The following TET3 variants were observed in gnomAD, a reference collection of about 807,000 sequenced individuals.
TET3 encodes tet methylcytosine dioxygenase 3, also known as methylcytosine dioxygenase TET3.
TET3 carries 19 observed loss-of-function variants against 141.4 expected under a neutral mutation model. The observed-to-expected ratio is 0.13, with a 90% CI of 0.09 to 0.20. TET3 has a LOEUF of 0.20. Ranked by LOEUF, TET3 falls within the 10% of genes least tolerant of loss-of-function variation. The pLI, the probability that TET3 is intolerant of heterozygous loss-of-function variation, is 1.00. For synonymous variants in TET3, 1,043 were observed against 980.9 expected, an observed-to-expected ratio of 1.06 and a Z score of -1.18; for missense variants, 1,874 against 2,356.9, an observed-to-expected ratio of 0.80 and a Z score of 4.24.
chr2:73,999,191 G>GAT (rs1258102348), intron 2 of TET3, among the ~76,000 whole-genome samples: 1 of 152,146 alleles, frequency 6.6e-6, no homozygotes, highest in East Asian at 1.9e-4. Context: ...GAGGTAGGTG[G>GAT]ATATGAAAAT....
At chr2:74,008,931 A>C (rs888102565) in intron 3 of TET3, among the ~76,000 whole-genome samples, 1 of 152,132 alleles carries the variant, frequency 6.6e-6, no homozygotes, top group African/African-American at 2.4e-5. Context: ...GCCTCCAGGC[A>C]TTTTTCCCCC....
Position 74,104,327 on chromosome 2 carries a change from T to C in TET3, c.*2151T>C, listed in dbSNP as rs1432517085. 6.6e-6 allele frequency: 1 copy of C among 152,200 alleles called. No homozygotes were observed. Among genetic ancestry groups the C allele is most frequent in the Non-Finnish European group, 1.5e-5 (1 of 68,026 alleles). 9.4% of individuals were successfully genotyped at this position (152,200 alleles called of 1,614,324 possible). A position where few individuals can be genotyped will look rare whatever the true frequency, so the allele number is the denominator to read the frequency against. On this transcript the variant is annotated 3_prime_UTR_variant, in exon 12 of 12. Transcript: ENST00000409262. Reference sequence around the variant, plus strand: ...AAGAGCTTATCAGGACTTAGAATTATTCAGAACTCAGATTTATAGGAAAAC... The same window carrying C: ...AAGAGCTTATCAGGACTTAGAATTACTCAGAACTCAGATTTATAGGAAAAC...
intron 2 of TET3, chr2:74,002,614 G>T (rs1006768778): frequency 2.9e-6 from 1 of 348,374 alleles, no homozygotes; most frequent in South Asian, 1.5e-4. Flanking sequence ...CCACCAGGCG[G>T]GGGCAGGGCC....
intron 3 of TET3, among the ~76,000 whole-genome samples, chr2:74,014,622 A>G (rs1299056499): frequency 6.6e-6 from 1 of 152,084 alleles, no homozygotes; most frequent in Non-Finnish European, 1.5e-5. Flanking sequence ...ATTAGAGCAT[A>G]TCCTAGGCCG....
At chr2:74,042,275 C>G (rs1687380066) in intron 3 of TET3, among the ~76,000 whole-genome samples, 1 of 152,214 alleles carries the variant, frequency 6.6e-6, no homozygotes, top group Non-Finnish European at 1.5e-5. Context: ...GCAGGTAACA[C>G]AAGTGAGTGA....
chr2:74,106,153 T>C lies in TET3; in HGVS notation c.*3977T>C, dbSNP rs1157181455. The C allele has an allele frequency of 6.6e-6, 1 of 151,828 alleles. No homozygotes were observed. The highest frequency in any genetic ancestry group is 1.9e-4 in the East Asian group (1 of 5,158). 9.4% of individuals were successfully genotyped at this position (151,828 alleles called of 1,614,324 possible). A position where few individuals can be genotyped will look rare whatever the true frequency, so the allele number is the denominator to read the frequency against. ...TAGACCCGTTTACCGTGCTATAATC[T>C]GCTCTGAGCAGTGTTGTGTTGTGTT... On this transcript the variant is annotated 3_prime_UTR_variant, in exon 12 of 12. Transcript: ENST00000409262.
chr2:74,062,018 T>G (rs1400946494), intron 4 of TET3, among the ~76,000 whole-genome samples: 1 of 148,960 alleles, frequency 6.7e-6, no homozygotes, highest in African/African-American at 2.5e-5. Flanking sequence ...CCAGACGGGG[T>G]GGCGGCCGGG....
intron 6 of TET3, among the ~76,000 whole-genome samples, chr2:74,081,301 AG>A (rs755173441): frequency 7.9e-4 from 120 of 152,356 alleles, no homozygotes; most frequent in Admixed American, 1.6e-3. Context: ...AGTGCTGAGG[AG>A]GAGCAGCCAG....
At chr2:73,986,749 GCACGGTGAT>G in intron 2 of TET3, 43 bp downstream of exon 2, 1 of 1,229,804 alleles carries the variant, frequency 8.1e-7, no homozygotes, top group African/African-American at 1.6e-5. Context: ...TTCCTCGAGG[GCACGGTGAT>G]CACGGGGGTC....
chr2:74,022,313 T>C (rs927444696), intron 3 of TET3, among the ~76,000 whole-genome samples: 4 of 152,016 alleles, frequency 2.6e-5, no homozygotes, highest in Admixed American at 2.6e-4. Context: ...TGTGTATGCT[T>C]TTTTTATGAA....
chr2:74,117,713 T>C, the TET3 span, among the ~76,000 whole-genome samples: 1 of 152,112 alleles, frequency 6.6e-6, no homozygotes, highest in African/African-American at 2.4e-5. Flanking sequence ...ATTAGTCTAT[T>C]TTATCATGTT....
the TET3 span, among the ~76,000 whole-genome samples, chr2:74,127,056 A>G: frequency 3.3e-5 from 5 of 152,190 alleles, no homozygotes; most frequent in African/African-American, 4.8e-5. Context: ...AGCAGCTGTA[A>G]CTGGGTCAGA....
At chr2:74,117,769 G>A in the TET3 span, among the ~76,000 whole-genome samples, 15 of 151,218 alleles carry the variant, frequency 9.9e-5, no homozygotes, top group African/African-American at 2.4e-4. Flanking sequence ...TTTTTATAAC[G>A]GAGTCATGCC....
At chr2:74,001,747 G>A (rs1441053173) in intron 2 of TET3, among the ~76,000 whole-genome samples, 2 of 152,264 alleles carry the variant, frequency 1.3e-5, no homozygotes, top group East Asian at 3.9e-4. Context: ...TCAGTCTTCT[G>A]ATGCAGCTTT....
chr2:74,116,250 T>C, the TET3 span, among the ~76,000 whole-genome samples: 6 of 152,198 alleles, frequency 3.9e-5, no homozygotes, highest in Middle Eastern at 3.4e-3. Context: ...TCTTATACAA[T>C]GTTGGTGGGA....
chr2:74,122,511 A>ATATTTT, the TET3 span: 6 of 47,554 alleles, frequency 1.3e-4, no homozygotes, highest in East Asian at 9.1e-4. Context: ...ATATATATAT[A>ATATTTT]TTTTTTTTTT....
At chr2:74,098,571 T>TA (rs1192860388) in intron 10 of TET3, among the ~76,000 whole-genome samples, 1 of 151,554 alleles carries the variant, frequency 6.6e-6, no homozygotes, top group Non-Finnish European at 1.5e-5. Context: ...AATCAGCACA[T>TA]AGAGTTTATA....
At chr2:74,127,678 C>T in the TET3 span, among the ~76,000 whole-genome samples, 1 of 151,196 alleles carries the variant, frequency 6.6e-6, no homozygotes, top group Admixed American at 6.6e-5. Context: ...CCTTGAAAAA[C>T]ACATTATTCT....
the TET3 span, among the ~76,000 whole-genome samples, chr2:74,130,286 T>G: frequency 6.6e-6 from 1 of 152,184 alleles, no homozygotes; most frequent in Non-Finnish European, 1.5e-5. Context: ...AATGCTCTTT[T>G]AAGTTCACAG....
Sources: gnomAD v4.1 joint callset for allele counts (sites outside exome capture counted in the v4.1 genomes callset) on GRCh38, gnomAD v4.1.1 for gene constraint, MANE v1.5 for transcripts, NCBI Gene and HGNC (gene_info 2026-07-23, HGNC 2026-07-21) for gene names.